ACSM1: variants seen among roughly 807,000 people sequenced by gnomAD.
ACSM1 encodes acyl-CoA synthetase medium chain family member 1, also known as acyl-coenzyme A synthetase ACSM1, mitochondrial.
Under a neutral mutation model 75.8 loss-of-function variants are expected in ACSM1, and 79 were observed. The observed-to-expected ratio is 1.04, with a 90% CI of 0.87 to 1.26. ACSM1 has a LOEUF of 1.26. Ranked by LOEUF, ACSM1 falls within the 50% of genes most tolerant of loss-of-function variation. The probability of loss-of-function intolerance (pLI) is 0.00; values close to 1 mark genes in which losing one functional copy is unlikely to be tolerated. For missense variants in ACSM1, 676 were observed against 720.1 expected, an observed-to-expected ratio of 0.94 and a Z score of 0.70; for synonymous variants, 279 against 265.8, an observed-to-expected ratio of 1.05 and a Z score of -0.48.
At chr16:20,624,737 C>T (rs544575905) in intron 12 of ACSM1, among the ~76,000 whole-genome samples, 2 of 152,118 alleles carry the variant, frequency 1.3e-5, no homozygotes, top group East Asian at 3.9e-4. Context: ...TCTTGTCGCC[C>T]AGACTGGCGT....
intron 3 of ACSM1, among the ~76,000 whole-genome samples, chr16:20,683,871 C>A (rs1486044399): frequency 2.6e-5 from 4 of 152,066 alleles, no homozygotes; most frequent in Non-Finnish European, 5.9e-5. Flanking sequence ...CAGGCCAAGT[C>A]TTAGATTTCC....
intron 6 of ACSM1, among the ~76,000 whole-genome samples, chr16:20,669,052 G>A (rs1392592243): frequency 1.3e-5 from 2 of 152,124 alleles, no homozygotes; most frequent in East Asian, 3.9e-4. Context: ...GGCAAGGTCT[G>A]CCTCTGAGAG....
chr16:20,668,894 G>A (rs1342709031), intron 6 of ACSM1, among the ~76,000 whole-genome samples: 1 of 152,156 alleles, frequency 6.6e-6, no homozygotes, highest in African/African-American at 2.4e-5. Context: ...CGGACTGAGG[G>A]TGTAAAACTA....
chr16:20,672,219 T>C (rs2019951691), intron 4 of ACSM1, among the ~76,000 whole-genome samples: 1 of 151,652 alleles, frequency 6.6e-6, no homozygotes, highest in Non-Finnish European at 1.5e-5. Context: ...AAGCTTGTTT[T>C]TTAAAATTAA....
chr16:20,658,830 C>T (rs1229810905), intron 7 of ACSM1, among the ~76,000 whole-genome samples: 1 of 152,104 alleles, frequency 6.6e-6, no homozygotes, highest in Non-Finnish European at 1.5e-5. Flanking sequence ...TTATTAAATT[C>T]CAATTTAATG....
chr16:20,633,690 CATATAG>C (rs1268453319), intron 10 of ACSM1, among the ~76,000 whole-genome samples: 1 of 152,070 alleles, frequency 6.6e-6, no homozygotes, highest in Non-Finnish European at 1.5e-5. Context: ...TCCTAAAATG[CATATAG>C]AATCTCAAAG....
chr16:20,628,184 C>T (rs2152188495), intron 10 of ACSM1, among the ~76,000 whole-genome samples: 1 of 151,898 alleles, frequency 6.6e-6, no homozygotes, highest in African/African-American at 2.4e-5. Flanking sequence ...GGATCGATGC[C>T]CTGTACTCTT....
At chr16:20,623,999 A>G in intron 13 of ACSM1, 97 bp downstream of exon 13, 1 of 1,540,324 alleles carries the variant, frequency 6.5e-7, no homozygotes, top group Non-Finnish European at 8.8e-7. Flanking sequence ...GTAAACCTCC[A>G]TTGTTTGGGG....
intron 7 of ACSM1, among the ~76,000 whole-genome samples, chr16:20,644,933 T>C (rs139195007): frequency 1.3e-5 from 2 of 152,322 alleles, no homozygotes; most frequent in African/African-American, 4.8e-5. Context: ...ATCTTCAAAA[T>C]ATAAATAAAT....
intron 7 of ACSM1, among the ~76,000 whole-genome samples, chr16:20,643,343 G>A (rs914000673): frequency 1.4e-4 from 22 of 152,240 alleles, no homozygotes; most frequent in Non-Finnish European, 2.8e-4. Context: ...ACCACTTGGC[G>A]ATAGGTGATA....
At chr16:20,673,873 A>G (rs1404032046) in intron 4 of ACSM1, among the ~76,000 whole-genome samples, 4 of 152,216 alleles carry the variant, frequency 2.6e-5, no homozygotes, top group Non-Finnish European at 5.9e-5. Context: ...TCCTTTGCAC[A>G]GTCCCAGGGG....
chr16:20,627,188 C>T lies in ACSM1; in HGVS notation c.1427+1G>A, dbSNP rs1177531358. 4 of 1,549,380 alleles carry T rather than the reference C, an allele frequency of 2.6e-6. No homozygotes were observed. The South Asian group carries it at 5.1e-5, about 20-fold the overall frequency. On this transcript the variant is annotated splice_donor_variant, in intron 11 of 13. Transcript: ENST00000520010. LOFTEE classifies it high-confidence loss of function. The stretch of plus-strand genomic sequence containing the variant: ...GCCAGCCCAGCATCAGCCACACCTA[C>T]CCAGAGGCATTAATGATGTCATCAC...
rs758678890 is a variant in ACSM1, at chr16:20,624,132, G to A, written c.1611C>T (p.Val537=). The change falls in exon 13 of 14, where the codon GTC becomes GTT. Residue 537 remains valine, a synonymous_variant. Coordinates refer to ENST00000520010, the MANE Select transcript of ACSM1 (RefSeq NM_001318890.3). ...DQLTKELQQH[V]KSVTAPYKYP... The stretch of plus-strand genomic sequence containing the variant: ...ACTTGTATGGGGCTGTCACTGACTT[G>A]ACATGCTGCTGCAGTTCCTTGGTCA... 6.2e-7 allele frequency: 1 copy of A among 1,613,442 alleles called. No homozygotes were observed. The highest frequency in any genetic ancestry group is 8.5e-7 in the Non-Finnish European group (1 of 1,179,516).
chr16:20,677,953 A>C (rs1272815925), intron 4 of ACSM1, among the ~76,000 whole-genome samples: 1 of 152,092 alleles, frequency 6.6e-6, no homozygotes, highest in Non-Finnish European at 1.5e-5. Context: ...TATAGGCCTT[A>C]AAAGATGTGG....
intron 4 of ACSM1, among the ~76,000 whole-genome samples, chr16:20,673,089 T>C (rs1238339457): frequency 6.8e-6 from 1 of 146,760 alleles, no homozygotes; most frequent in Non-Finnish European, 1.5e-5. Flanking sequence ...ATATAAATTA[T>C]ACTTATATAT....
chr16:20,633,169 C>T (rs964117962), intron 10 of ACSM1, among the ~76,000 whole-genome samples: 1 of 152,112 alleles, frequency 6.6e-6, no homozygotes, highest in African/African-American at 2.4e-5. Flanking sequence ...CCAAATCAAT[C>T]AGGCAAGAAA....
chr16:20,675,369 G>A (rs1210041410), intron 4 of ACSM1, among the ~76,000 whole-genome samples: 1 of 152,136 alleles, frequency 6.6e-6, no homozygotes, highest in East Asian at 1.9e-4. Context: ...CGAGTGTGGG[G>A]GAAATCAGTC....
At chr16:20,660,530 T>C (rs139309807) in intron 7 of ACSM1, among the ~76,000 whole-genome samples, 1 of 152,292 alleles carries the variant, frequency 6.6e-6, no homozygotes, top group African/African-American at 2.4e-5. Context: ...AGTTATGCCA[T>C]GATAAGATGT....
chr16:20,637,599 A>C lies in ACSM1; in HGVS notation c.1117-148T>G, dbSNP rs2017802800. The C allele has an allele frequency of 2.9e-5, 21 of 721,866 alleles. No individual in the cohort carries two copies. In the Admixed American group the frequency reaches 3.4e-4, roughly 12 times the overall value. The allele number at this position is 721,866 out of a possible 1,614,324, so 44.7% of individuals were successfully genotyped here. ...AAAGAGCCCTCGTAGGGAAGCTGGA[A>C]GGCCTTAGTCTAGGCTCAAGGTGTT... On this transcript the variant is annotated intron_variant, in intron 8 of 13. Transcript: ENST00000520010.
Sources: gnomAD v4.1 joint callset for allele counts (sites outside exome capture counted in the v4.1 genomes callset) on GRCh38, gnomAD v4.1.1 for gene constraint, MANE v1.5 for transcripts, NCBI Gene and HGNC (gene_info 2026-07-23, HGNC 2026-07-21) for gene names.